Variants in RB1 observed in about 807,000 individuals in gnomAD.
The protein encoded by RB1 is retinoblastoma-associated protein.
RB1 carries 18 observed loss-of-function variants against 135.4 expected under a neutral mutation model. The ratio of observed to expected loss-of-function variants is 0.13; its 90% CI spans 0.09 to 0.20. RB1 has a LOEUF of 0.20. Ranked by LOEUF, RB1 falls within the 10% of genes least tolerant of loss-of-function variation. The probability of loss-of-function intolerance (pLI) is 1.00; values close to 1 mark genes in which losing one functional copy is unlikely to be tolerated. For missense variants in RB1, 868 were observed against 1,110.0 expected, an observed-to-expected ratio of 0.78 and a Z score of 3.10; for synonymous variants, 365 against 373.2, an observed-to-expected ratio of 0.98 and a Z score of 0.25.
intron 9 of RB1, 148 bp downstream of exon 9, chr13:48,365,119 A>G: frequency 2.0e-6 from 2 of 1,002,460 alleles, no homozygotes; most frequent in Non-Finnish European, 2.8e-6. Flanking sequence ...TGGTGAAACT[A>G]ACTTTTGTAT....
chr13:48,409,272 T>A (rs2138193144), intron 17 of RB1, among the ~76,000 whole-genome samples: 2 of 151,986 alleles, frequency 1.3e-5, no homozygotes, highest in Admixed American at 1.3e-4. Context: ...GTATTTTGCT[T>A]TAGGTTTATC....
At chr13:48,379,069 GAC>G (rs1948508266) in intron 13 of RB1, among the ~76,000 whole-genome samples, 1 of 152,126 alleles carries the variant, frequency 6.6e-6, no homozygotes, top group African/African-American at 2.4e-5. Context: ...TAAATTTATG[GAC>G]AAAGACTGTC....
Position 48,477,375 on chromosome 13 carries a change from C to T in RB1, c.2684C>T (p.Ser895Phe). The change falls in exon 26 of 27, where the codon TCC becomes TTC. Residue 895 changes from serine to phenylalanine, a missense_variant. This residue lies in a region of RB1 where 196 missense variants were observed against 239.8 expected (regional missense o/e 0.82). Coordinates refer to ENST00000267163, the MANE Select transcript of RB1 (RefSeq NM_000321.3). ...TGCAGTAAACATCTCCCAGGAGAGTCCAAATTTCAGCAGAAACTGGCAGAA... is the reference window on the plus strand; with the variant it reads ...TGCAGTAAACATCTCCCAGGAGAGTTCAAATTTCAGCAGAAACTGGCAGAA... ...ADGSKHLPGE[S>F]KFQQKLAEMT... 1 of 1,609,854 alleles carries T rather than the reference C, an allele frequency of 6.2e-7. No homozygotes were observed. Among genetic ancestry groups the T allele is most frequent in the Non-Finnish European group, 8.5e-7 (1 of 1,176,778 alleles).
chr13:48,347,900 A>T, intron 5 of RB1, 37 bp downstream of exon 5: 1 of 1,506,000 alleles, frequency 6.6e-7, no homozygotes, highest in Non-Finnish European at 9.2e-7. Flanking sequence ...TCACTTAAAA[A>T]AAAAGATTTT....
At chr13:48,386,041 TAAAAA>T (rs59407273) in intron 17 of RB1, among the ~76,000 whole-genome samples, 18 of 130,370 alleles carry the variant, frequency 1.4e-4, no homozygotes, top group African/African-American at 5.2e-4. Flanking sequence ...CCCCATCTCT[TAAAAA>T]AAAAAAAAAA....
At chr13:48,417,733 A>G (rs919185863) in intron 17 of RB1, among the ~76,000 whole-genome samples, 1 of 152,218 alleles carries the variant, frequency 6.6e-6, no homozygotes. Context: ...GAACTTCGTG[A>G]AGCATACACA....
At chr13:48,436,948 A>AAAATTT (rs1432753066) in intron 17 of RB1, among the ~76,000 whole-genome samples, 2 of 152,164 alleles carry the variant, frequency 1.3e-5, no homozygotes, top group Non-Finnish European at 2.9e-5. Context: ...TTCTACTAGC[A>AAAATTT]CTACTGACTT....
At chr13:48,360,335 C>A in intron 7 of RB1, 1 of 1,047,026 alleles carries the variant, frequency 9.6e-7, no homozygotes, top group Non-Finnish European at 1.3e-6. Context: ...TGGTTTGGGT[C>A]AAAATACAAC....
chr13:48,371,898 A>T (rs1365892892), intron 11 of RB1, among the ~76,000 whole-genome samples: 2 of 152,042 alleles, frequency 1.3e-5, no homozygotes, highest in African/African-American at 4.8e-5. Context: ...CCTGAGATCT[A>T]CCTCCTGTCA....
intron 17 of RB1, among the ~76,000 whole-genome samples, chr13:48,434,099 A>G (rs895501912): frequency 6.6e-6 from 1 of 152,126 alleles, no homozygotes; most frequent in African/African-American, 2.4e-5. Context: ...TTCTCCAATC[A>G]TAATAGCTTT....
chr13:48,317,044 A>G lies in RB1; in HGVS notation c.264+9638A>G, dbSNP rs1007339251. The G allele has an allele frequency of 2.5e-5, 17 of 688,510 alleles. No homozygotes were observed. In the African/African-American group the frequency reaches 3.0e-4, roughly 12 times the overall value. 42.7% of individuals were successfully genotyped at this position (688,510 alleles called of 1,614,324 possible). A position where few individuals can be genotyped will look rare whatever the true frequency, so the allele number is the denominator to read the frequency against. Reference sequence around the variant, plus strand: ...GAGCCCGAGTTCCTCCTGTCGGGCAAACTCCGCCCTGTCTGTGCCTTGCTG... The same window carrying G: ...GAGCCCGAGTTCCTCCTGTCGGGCAGACTCCGCCCTGTCTGTGCCTTGCTG... On this transcript the variant is annotated intron_variant, in intron 2 of 26. Coordinates refer to ENST00000267163, the MANE Select transcript of RB1 (RefSeq NM_000321.3).
chr13:48,444,350 C>G (rs1408505287), intron 17 of RB1, among the ~76,000 whole-genome samples: 1 of 152,114 alleles, frequency 6.6e-6, no homozygotes, highest in Non-Finnish European at 1.5e-5. Flanking sequence ...AACCCCGTCT[C>G]TACTAAAAAT....
rs189733494 is a variant in RB1 at position 48,458,714 on chromosome 13, G to A, written c.1961-974G>A. The stretch of plus-strand genomic sequence containing the variant: ...CTTTAAAAATTTCAAATTACCTCAT[G>A]CAAGTCGTTGAAAGAGATATATAAA... On this transcript the variant is annotated intron_variant, in intron 19 of 26. Transcript: ENST00000267163. Among the ~76,000 whole-genome samples, 230 of 152,202 alleles carry A rather than the reference G, an allele frequency of 1.5e-3. 3 individuals carry two copies. Among genetic ancestry groups the A allele is most frequent in the African/African-American group, 5.1e-3 (213 of 41,520 alleles).
chr13:48,320,753 G>A (rs578064415), intron 2 of RB1, among the ~76,000 whole-genome samples: 1 of 152,052 alleles, frequency 6.6e-6, no homozygotes, highest in African/African-American at 2.4e-5. Flanking sequence ...ATCGCTTGAA[G>A]CCGGAAGGTG....
intron 2 of RB1, among the ~76,000 whole-genome samples, chr13:48,308,809 G>A (rs1057040447): frequency 1.3e-5 from 2 of 152,094 alleles, no homozygotes; most frequent in South Asian, 2.1e-4. Context: ...TGAGTAACTT[G>A]ACCAAGGTCC....
intron 2 of RB1, among the ~76,000 whole-genome samples, chr13:48,310,791 T>G (rs1397515160): frequency 1.3e-5 from 2 of 152,198 alleles, no homozygotes; most frequent in African/African-American, 2.4e-5. Context: ...CATGAAAGCA[T>G]ATATTAATCC....
At chr13:48,322,991 T>A (rs1952254410) in intron 2 of RB1, among the ~76,000 whole-genome samples, 1 of 152,086 alleles carries the variant, frequency 6.6e-6, no homozygotes, top group East Asian at 1.9e-4. Flanking sequence ...CCTTGTGCTG[T>A]CTTTGTCTGA....
At chr13:48,318,690 C>A in intron 2 of RB1, 2 of 617,918 alleles carry the variant, frequency 3.2e-6, no homozygotes, top group East Asian at 3.0e-5. Context: ...CATGGCATGG[C>A]CGCCGCCTCT....
chr13:48,317,927 A>C, intron 2 of RB1: 2 of 420,052 alleles, frequency 4.8e-6, no homozygotes, highest in Non-Finnish European at 9.1e-6. Context: ...TGAACTTCTG[A>C]ACTGCTCAGA....
Sources: gnomAD v4.1 joint callset for allele counts (sites outside exome capture counted in the v4.1 genomes callset) on GRCh38, gnomAD v4.1.1 for gene constraint, gnomAD v4.1.1 regional missense constraint, MANE v1.5 for transcripts, NCBI Gene and HGNC (gene_info 2026-07-23, HGNC 2026-07-21) for gene names.